Variants in CDH17 observed in about 807,000 individuals in gnomAD.
The protein encoded by CDH17 is cadherin-17.
Under a neutral mutation model 86.3 loss-of-function variants are expected in CDH17, and 67 were observed. The observed-to-expected ratio is 0.78, with a 90% CI of 0.64 to 0.95. The LOEUF (loss-of-function observed/expected upper bound fraction) is 0.95. Ranked by LOEUF, CDH17 falls within the 40% of genes least tolerant of loss-of-function variation. The pLI is 0.00. For synonymous variants in CDH17, 367 were observed against 366.4 expected, an observed-to-expected ratio of 1.00 and a Z score of -0.02; for missense variants, 993 against 1,017.6, an observed-to-expected ratio of 0.98 and a Z score of 0.33.
chr8:94,148,721 G>GTTTTTTTTTTTTTTTTTT (rs151133817), intron 14 of CDH17, 23 bp downstream of exon 14: 7 of 1,123,030 alleles, frequency 6.2e-6, no homozygotes, highest in African/African-American at 4.2e-5. Flanking sequence ...CTTTTTTTTT[G>GTTTTTTTTTTTTTTTTTT]TTTTTTTTTT....
intron 1 of CDH17, among the ~76,000 whole-genome samples, chr8:94,196,080 A>G (rs946693558): frequency 6.6e-6 from 1 of 152,166 alleles, no homozygotes; most frequent in African/African-American, 2.4e-5. Flanking sequence ...AATTTTTTCA[A>G]TGTATTTATT....
At chr8:94,177,858 A>G in intron 3 of CDH17, 137 bp from the exon 4 acceptor site, 1 of 777,136 alleles carries the variant, frequency 1.3e-6, no homozygotes, top group Non-Finnish European at 2.0e-6. Context: ...TTAAAGTGGT[A>G]CCTTCTAAAA....
intron 1 of CDH17, among the ~76,000 whole-genome samples, chr8:94,195,928 T>C (rs1813778219): frequency 6.6e-6 from 1 of 151,714 alleles, no homozygotes; most frequent in South Asian, 2.1e-4. Context: ...GCCTGGCTAA[T>C]TTTTTGTATT....
intron 1 of CDH17, among the ~76,000 whole-genome samples, chr8:94,216,550 C>T (rs1814196593): frequency 7.6e-6 from 1 of 131,970 alleles, no homozygotes; most frequent in South Asian, 2.7e-4. Context: ...AAAGGGAGGG[C>T]TCCAGAGGGT....
At chr8:94,199,096 T>TA (rs1813855744) in intron 1 of CDH17, among the ~76,000 whole-genome samples, 6 of 135,454 alleles carry the variant, frequency 4.4e-5, no homozygotes, top group South Asian at 2.3e-4. Flanking sequence ...TTTTTTTTTT[T>TA]ATCATTTGTC....
At chr8:94,141,080 G>A (rs1812627755) in intron 15 of CDH17, among the ~76,000 whole-genome samples, 1 of 152,016 alleles carries the variant, frequency 6.6e-6, no homozygotes, top group Non-Finnish European at 1.5e-5. Context: ...TTAAGTTTTA[G>A]CAAATCCAAC....
upstream of CDH17, among the ~76,000 whole-genome samples, chr8:94,213,544 T>C (rs1814153320): frequency 1.3e-5 from 2 of 151,182 alleles, no homozygotes; most frequent in South Asian, 4.3e-4. Context: ...AGCTTTTTAT[T>C]TGATCTTGGA....
intron 9 of CDH17, 66 bp from the exon 10 acceptor site, chr8:94,166,042 A>G (rs1418293555): frequency 1.0e-6 from 1 of 953,094 alleles, no homozygotes; most frequent in African/African-American, 1.6e-5. Flanking sequence ...AAATAGTTTC[A>G]CTAAAATAAG....
intron 17 of CDH17, among the ~76,000 whole-genome samples, chr8:94,129,118 T>G (rs938337528): frequency 1.3e-5 from 2 of 152,242 alleles, no homozygotes; most frequent in African/African-American, 4.8e-5. Context: ...ATTACTTCTA[T>G]TTCTGGATGT....
At chr8:94,159,175 C>A (rs1423440485) in intron 12 of CDH17, among the ~76,000 whole-genome samples, 1 of 151,954 alleles carries the variant, frequency 6.6e-6, no homozygotes, top group Non-Finnish European at 1.5e-5. Flanking sequence ...AGAAAAGAGT[C>A]AAGATTCAGG....
intron 2 of CDH17, among the ~76,000 whole-genome samples, chr8:94,193,429 G>T (rs971534761): frequency 5.3e-5 from 8 of 152,156 alleles, no homozygotes; most frequent in South Asian, 4.1e-4. Context: ...ACCAGTCGCT[G>T]ATCCAAGAGC....
intron 4 of CDH17, among the ~76,000 whole-genome samples, chr8:94,176,898 G>A (rs1813384978): frequency 6.6e-6 from 1 of 152,128 alleles, no homozygotes; most frequent in Non-Finnish European, 1.5e-5. Context: ...AGGGTGTTCT[G>A]GACACTGAAC....
intron 15 of CDH17, among the ~76,000 whole-genome samples, chr8:94,141,502 A>T (rs75021806): frequency 0.038 from 5,823 of 152,258 alleles, 359 homozygotes; most frequent in East Asian, 0.24. Flanking sequence ...AAAAGGAAGA[A>T]GTCATTATTC....
intron 3 of CDH17, among the ~76,000 whole-genome samples, chr8:94,178,456 G>A (rs1347726844): frequency 1.3e-5 from 2 of 151,946 alleles, no homozygotes; most frequent in Admixed American, 6.6e-5. Flanking sequence ...CCCTTTGATA[G>A]CAAACATTAC....
At position 94,127,484 on chromosome 8, in the gene CDH17, A is replaced by G. The variant is rs930432566; in HGVS notation, c.*756T>C. ...TTAATGACACAGAAACATTTCTGTT[A>G]ATACTAAGGGAAAAGGCTGTTCTTT... On this transcript the variant is annotated 3_prime_UTR_variant, in exon 18 of 18. Transcript: ENST00000027335. The G allele has an allele frequency of 6.6e-6, 1 of 152,230 alleles. No individual in the cohort carries two copies. Among genetic ancestry groups the G allele is most frequent in the Non-Finnish European group, 1.5e-5 (1 of 68,034 alleles). 9.4% of individuals were successfully genotyped at this position (152,230 alleles called of 1,614,324 possible). A position where few individuals can be genotyped will look rare whatever the true frequency, so the allele number is the denominator to read the frequency against.
rs1196143301 is a variant in CDH17, at chr8:94,148,770, C to T, written c.1901G>A (p.Arg634Gln). The change falls in exon 14 of 18, where the codon CGG becomes CAG. Residue 634 changes from arginine (R) to glutamine (Q), a missense_variant. By Grantham distance (43) the Arg-to-Gln change is conservative (BLOSUM62 1). Transcript: ENST00000027335. ...TACTTCTGTGGCCACCACTTGTACC[C>T]GATATGGACTTCCGGCTTCTCTGTC... The part of the protein sequence containing the change: ...PLDREAGSPY[R>Q]VQVVATEVGG... 5.7e-6 allele frequency: 9 copies of T among 1,578,658 alleles called. No homozygotes were observed. The highest frequency in any genetic ancestry group is 2.4e-5 in the East Asian group (1 of 42,148).
upstream of CDH17, among the ~76,000 whole-genome samples, chr8:94,211,822 T>C (rs750601147): frequency 2.6e-5 from 4 of 152,256 alleles, no homozygotes; most frequent in Non-Finnish European, 5.9e-5. Context: ...AACTTGATGA[T>C]GGCAGAAACT....
At chr8:94,155,667 C>G (rs775302409) in intron 12 of CDH17, among the ~76,000 whole-genome samples, 2 of 152,220 alleles carry the variant, frequency 1.3e-5, no homozygotes, top group Non-Finnish European at 2.9e-5. Context: ...AAAGACAAGA[C>G]TGTACGGCGA....
At chr8:94,185,470 A>G (rs1586269875) in intron 3 of CDH17, among the ~76,000 whole-genome samples, 2 of 152,322 alleles carry the variant, frequency 1.3e-5, no homozygotes, top group South Asian at 2.1e-4. Flanking sequence ...TAGGATCCCC[A>G]GAGACTCTGG....
Sources: allele counts gnomAD v4.1 joint callset (sites outside exome capture counted in the v4.1 genomes callset), GRCh38; gene constraint gnomAD v4.1.1; transcripts MANE v1.5; gene names NCBI Gene and HGNC (gene_info 2026-07-23, HGNC 2026-07-21).